The following PADI6 variants were observed in gnomAD, a reference collection of about 807,000 sequenced individuals.
The protein encoded by PADI6 is inactive protein-arginine deiminase type-6.
Under a neutral mutation model 78.2 loss-of-function variants are expected in PADI6, and 66 were observed. The observed-to-expected ratio is 0.84, with a 90% CI of 0.69 to 1.04. The LOEUF (loss-of-function observed/expected upper bound fraction) is 1.04, where lower values mean the gene tolerates loss of function less well. Ranked by LOEUF, PADI6 falls within the 50% of genes least tolerant of loss-of-function variation. The pLI is 0.00. For missense variants in PADI6, 854 were observed against 866.1 expected (o/e 0.99, Z 0.18); for synonymous variants, 397 against 346.9 (o/e 1.14, Z -1.60).
chr1:17,394,183 G>A (rs1269871734), intron 10 of PADI6, 101 bp downstream of exon 10: 7 of 1,499,484 alleles, frequency 4.7e-6, no homozygotes, highest in Non-Finnish European at 6.3e-6. Flanking sequence ...GGCCCAGGTG[G>A]CCTCTGAGGG....
intron 6 of PADI6, among the ~76,000 whole-genome samples, chr1:17,385,106 T>C (rs2075107269): frequency 6.6e-6 from 1 of 152,164 alleles, no homozygotes; most frequent in African/African-American, 2.4e-5. Context: ...ACACCTGTAA[T>C]CCCAGCACTT....
chr1:17,384,363 G>A (rs996997425), intron 6 of PADI6, among the ~76,000 whole-genome samples: 1 of 152,164 alleles, frequency 6.6e-6, no homozygotes, highest in Non-Finnish European at 1.5e-5. Flanking sequence ...GGAGGCCAAG[G>A]CAGGAGGCTT....
At chr1:17,384,917 T>TA (rs1174403421) in intron 6 of PADI6, among the ~76,000 whole-genome samples, 1 of 152,198 alleles carries the variant, frequency 6.6e-6, no homozygotes, top group Non-Finnish European at 1.5e-5. Context: ...TGTGTGGTGG[T>TA]AATTACAGGG....
chr1:17,392,073 C>G, intron 8 of PADI6, 41 bp from the exon 9 acceptor site: 1 of 1,520,874 alleles, frequency 6.6e-7, no homozygotes. Context: ...AGTAAGGGAC[C>G]TTCGAAAGCC....
In PADI6 at chr1:17,381,113, G is replaced by A. The variant is rs1355935001; in HGVS notation, c.502G>A (p.Val168Met). 6.2e-7 allele frequency: 1 copy of A among 1,610,258 alleles called. No individual in the cohort carries two copies. The highest frequency in any genetic ancestry group is 1.1e-5 in the South Asian group (1 of 89,828). The change falls in exon 5 of 16, where the codon GTG becomes ATG. Residue 168 changes from valine to methionine, a missense_variant. Val to Met is a conservative substitution (Grantham distance 21). Coordinates refer to ENST00000619609, the MANE Select transcript of PADI6 (RefSeq NM_207421.4). ...GCTTGTGAATTGCAACCCTGCTGATGTGGGCCAGCAACTTGAGGACAAGAA... is the reference window on the plus strand; with the variant it reads ...GCTTGTGAATTGCAACCCTGCTGATATGGGCCAGCAACTTGAGGACAAGAA... ...ILLVNCNPAD[V>M]GQQLEDKKTK...
chr1:17,372,669 G>A (rs2074973657), intron 1 of PADI6, among the ~76,000 whole-genome samples: 2 of 152,192 alleles, frequency 1.3e-5, no homozygotes, highest in South Asian at 4.1e-4. Context: ...AGCAGGCCAG[G>A]GAGACTGCTA....
At chr1:17,389,887 T>C (rs2075165164) in intron 8 of PADI6, among the ~76,000 whole-genome samples, 1 of 152,224 alleles carries the variant, frequency 6.6e-6, no homozygotes, top group African/African-American at 2.4e-5. Flanking sequence ...CGCCTCCAGA[T>C]TACTACCACC....
At chr1:17,384,176 C>A in intron 6 of PADI6, among the ~76,000 whole-genome samples, 1 of 151,894 alleles carries the variant, frequency 6.6e-6, no homozygotes, top group African/African-American at 2.4e-5. Flanking sequence ...GGTAGGGCAA[C>A]ACAGCATGTT....
intron 8 of PADI6, among the ~76,000 whole-genome samples, chr1:17,391,096 TAGTAGCA>T (rs1476894909): frequency 6.6e-6 from 1 of 152,220 alleles, no homozygotes; most frequent in African/African-American, 2.4e-5. Flanking sequence ...TGTATTCTAT[TAGTAGCA>T]ACATGAGCTT....
chr1:17,394,170 G>T (rs1261543090), intron 10 of PADI6, 88 bp downstream of exon 10: 3 of 1,537,864 alleles, frequency 2.0e-6, no homozygotes, highest in African/African-American at 2.9e-5. Flanking sequence ...CAAGTGGGGA[G>T]AGGGCCCAGG....
intron 2 of PADI6, among the ~76,000 whole-genome samples, chr1:17,374,095 T>C (rs1242611859): frequency 6.6e-6 from 1 of 152,024 alleles, no homozygotes; most frequent in Non-Finnish European, 1.5e-5. Context: ...CAATGGAACC[T>C]CAGGGCTAGG....
intron 3 of PADI6, among the ~76,000 whole-genome samples, chr1:17,379,018 C>T (rs573583372): frequency 2.0e-5 from 3 of 151,888 alleles, no homozygotes; most frequent in South Asian, 2.1e-4. Flanking sequence ...GATCTCAGCT[C>T]ACTGCAACCT....
At chr1:17,381,247 T>TCTC in intron 5 of PADI6, 83 bp downstream of exon 5, 1 of 1,119,274 alleles carries the variant, frequency 8.9e-7, no homozygotes, top group Non-Finnish European at 1.3e-6. Context: ...AGACTAATTT[T>TCTC]CTCCACCCCA....
chr1:17,400,405 G>C (rs149091730), intron 15 of PADI6, among the ~76,000 whole-genome samples: 4,581 of 152,232 alleles, frequency 0.03, 99 homozygotes, highest in Non-Finnish European at 0.043. Flanking sequence ...TACTCAGGAG[G>C]CTGAGGCAGG....
intron 8 of PADI6, 103 bp downstream of exon 8, chr1:17,388,983 C>T: frequency 1.2e-6 from 1 of 851,398 alleles, no homozygotes; most frequent in Non-Finnish European, 1.9e-6. Context: ...GGACCTCTCA[C>T]CAGGAGAGTT....
chr1:17,374,710 G>C (rs1326952904), intron 2 of PADI6, among the ~76,000 whole-genome samples: 1 of 152,198 alleles, frequency 6.6e-6, no homozygotes, highest in Non-Finnish European at 1.5e-5. Context: ...TCTCTGCCCA[G>C]GGCTCGGCCT....
chr1:17,373,995 G>A (rs2074991159), intron 2 of PADI6, among the ~76,000 whole-genome samples: 1 of 152,084 alleles, frequency 6.6e-6, no homozygotes, highest in African/African-American at 2.4e-5. Flanking sequence ...GGGCAGGAGT[G>A]TTCAACCTTG....
intron 6 of PADI6, 21 bp downstream of exon 6, chr1:17,382,113 TC>T (rs2075078550): frequency 6.2e-7 from 1 of 1,611,972 alleles, no homozygotes; most frequent in Non-Finnish European, 8.5e-7. Flanking sequence ...TTGTGCCAGC[TC>T]CAGCTTTGCC....
At chr1:17,387,208 C>CT (rs2075128680) in intron 6 of PADI6, among the ~76,000 whole-genome samples, 1 of 151,810 alleles carries the variant, frequency 6.6e-6, no homozygotes. Context: ...CTTTGGGAGG[C>CT]TGAGGCAGAT....
Sources: allele counts gnomAD v4.1 joint callset (sites outside exome capture counted in the v4.1 genomes callset), GRCh38; gene constraint gnomAD v4.1.1; transcripts MANE v1.5; gene names NCBI Gene and HGNC (gene_info 2026-07-23, HGNC 2026-07-21).